The following MAST2 variants were observed in gnomAD, a reference collection of about 807,000 sequenced individuals.
MAST2 encodes microtubule-associated serine/threonine-protein kinase 2.
MAST2 carries 70 observed loss-of-function variants against 147.4 expected under a neutral mutation model. The ratio of observed to expected loss-of-function variants is 0.47; its 90% CI spans 0.39 to 0.58. MAST2 has a LOEUF of 0.58. Among genes scored for constraint, MAST2 ranks in the 20% least tolerant of loss-of-function variants. The pLI, the probability that MAST2 is intolerant of heterozygous loss-of-function variation, is 0.00. For missense variants in MAST2, 2,080 were observed against 2,302.3 expected, an observed-to-expected ratio of 0.90 and a Z score of 1.98; for synonymous variants, 869 against 896.8, an observed-to-expected ratio of 0.97 and a Z score of 0.55.
chr1:45,937,994 A>C (rs886739800), intron 4 of MAST2, among the ~76,000 whole-genome samples: 1 of 152,150 alleles, frequency 6.6e-6, no homozygotes, highest in African/African-American at 2.4e-5. Context: ...TCTAATTCCT[A>C]GCTCTAAGCA....
chr1:45,831,626 G>GT (rs2147829402), intron 3 of MAST2, among the ~76,000 whole-genome samples: 2 of 151,978 alleles, frequency 1.3e-5, no homozygotes, highest in East Asian at 3.8e-4. Flanking sequence ...TTCCATATTT[G>GT]TTTTTTCTGT....
At chr1:45,946,680 T>C (rs868750110) in intron 4 of MAST2, among the ~76,000 whole-genome samples, 2 of 152,352 alleles carry the variant, frequency 1.3e-5, no homozygotes, top group Middle Eastern at 3.4e-3. Flanking sequence ...CTATAAGATA[T>C]AGTGAAAGGA....
chr1:45,888,457 G>A lies in MAST2; in HGVS notation c.500+6062G>A, dbSNP rs957820545. On this transcript the variant is annotated intron_variant, in intron 4 of 28. Coordinates refer to ENST00000361297, the MANE Select transcript of MAST2 (RefSeq NM_015112.3). ...GGCTCACTGCAAGCTCCGCCTCCCG[G>A]GTTCACACCATTCTCCCACCTCAGC... Among the ~76,000 whole-genome samples the A allele has an allele frequency of 1.1e-4, 16 of 151,872 alleles. 1 individual carries two copies. Among genetic ancestry groups the A allele is most frequent in the Admixed American group, 4.6e-4 (7 of 15,238 alleles).
intron 4 of MAST2, among the ~76,000 whole-genome samples, chr1:45,915,936 G>A (rs1274028654): frequency 6.6e-6 from 1 of 152,112 alleles, no homozygotes; most frequent in Non-Finnish European, 1.5e-5. Flanking sequence ...TTCTTTGGAA[G>A]AGTGAAAATT....
At chr1:45,818,911 T>TA (rs2148675465) in intron 1 of MAST2, among the ~76,000 whole-genome samples, 1 of 152,302 alleles carries the variant, frequency 6.6e-6, no homozygotes, top group Admixed American at 6.5e-5. Context: ...CCAAAAAACA[T>TA]AAAAAATGAA....
At chr1:45,864,906 A>G (rs912576217) in intron 3 of MAST2, among the ~76,000 whole-genome samples, 2 of 152,254 alleles carry the variant, frequency 1.3e-5, no homozygotes, top group African/African-American at 4.8e-5. Context: ...AGATGTATCT[A>G]TACTTCTGTG....
chr1:45,998,148 T>C, intron 6 of MAST2, among the ~76,000 whole-genome samples: 1 of 152,214 alleles, frequency 6.6e-6, no homozygotes. Context: ...CCTACAGTGA[T>C]GAATGAGAAA....
At chr1:45,880,966 C>CA (rs10660375) in intron 3 of MAST2, among the ~76,000 whole-genome samples, 1,455 of 89,624 alleles carry the variant, frequency 0.016, 43 homozygotes, top group Middle Eastern at 0.052. Context: ...GACTCCATCT[C>CA]AAAAAAAAAA....
At chr1:45,953,332 C>G (rs1233373191) in intron 4 of MAST2, among the ~76,000 whole-genome samples, 2 of 152,122 alleles carry the variant, frequency 1.3e-5, no homozygotes, top group African/African-American at 4.8e-5. Flanking sequence ...ATGCCTGCTG[C>G]CCTTGCGGGG....
In MAST2 at chr1:46,031,309, C is replaced by T; in HGVS notation, c.2992+19C>T. On this transcript the variant is annotated intron_variant, in intron 23 of 28. Coordinates refer to ENST00000361297, the MANE Select transcript of MAST2 (RefSeq NM_015112.3). The surrounding 1 kb of genome is among the most constrained non-coding windows in gnomAD (Gnocchi z 4.1). ...AGTCCAGGTATGGCCCAGTGGGCGG[C>T]CAAACGACCTAAGCTGGAGGATACT... is the stretch of plus-strand genomic sequence containing the variant. 1 of 1,542,168 alleles carries T rather than the reference C, an allele frequency of 6.5e-7. No homozygotes were observed. Among genetic ancestry groups the T allele is most frequent in the Non-Finnish European group, 8.8e-7 (1 of 1,140,832 alleles).
intron 4 of MAST2, among the ~76,000 whole-genome samples, chr1:45,922,724 T>G (rs1450827378): frequency 6.6e-6 from 1 of 152,082 alleles, no homozygotes; most frequent in African/African-American, 2.4e-5. Flanking sequence ...CGGTGGTGGC[T>G]GCACCTGGGG....
At chr1:45,828,299 T>C (rs972354560) in intron 2 of MAST2, among the ~76,000 whole-genome samples, 2 of 152,212 alleles carry the variant, frequency 1.3e-5, no homozygotes, top group Non-Finnish European at 1.5e-5. Context: ...TTTTCATGAC[T>C]AAGATTTTAC....
chr1:45,808,795 A>G (rs755921201), intron 1 of MAST2, among the ~76,000 whole-genome samples: 2 of 151,840 alleles, frequency 1.3e-5, no homozygotes, highest in Admixed American at 6.6e-5. Context: ...TTAAATGTTC[A>G]TTTCATTTCT....
intron 2 of MAST2, among the ~76,000 whole-genome samples, chr1:45,826,016 G>C (rs1186031557): frequency 6.6e-6 from 1 of 152,030 alleles, no homozygotes; most frequent in African/African-American, 2.4e-5. Context: ...GGTGGAGGCT[G>C]AGTGAGCATC....
intron 4 of MAST2, among the ~76,000 whole-genome samples, chr1:45,939,781 C>T (rs1245785544): frequency 1.3e-5 from 2 of 151,786 alleles, no homozygotes. Context: ...ACCTCGTGAT[C>T]TGCCCACCTT....
intron 5 of MAST2, among the ~76,000 whole-genome samples, chr1:45,974,591 C>A (rs961826389): frequency 2.0e-5 from 3 of 151,932 alleles, no homozygotes; most frequent in African/African-American, 7.3e-5. Context: ...AGAGCAAGAC[C>A]CTGTCTCAAA....
intron 26 of MAST2, among the ~76,000 whole-genome samples, chr1:46,033,421 AGAGT>A (rs1356533272): frequency 6.6e-6 from 1 of 151,704 alleles, no homozygotes; most frequent in Non-Finnish European, 1.5e-5. Flanking sequence ...CCTGGGTGAC[AGAGT>A]GAGACTCTGT....
chr1:45,960,811 G>A (rs1340517565), intron 5 of MAST2, among the ~76,000 whole-genome samples: 1 of 152,222 alleles, frequency 6.6e-6, no homozygotes, highest in Non-Finnish European at 1.5e-5. Context: ...CATGGTCACT[G>A]TTGTCCTAAG....
At chr1:45,985,095 T>C (rs1300782220) in intron 5 of MAST2, among the ~76,000 whole-genome samples, 2 of 152,150 alleles carry the variant, frequency 1.3e-5, no homozygotes, top group Non-Finnish European at 2.9e-5. Flanking sequence ...TTCACTCTTG[T>C]TGCCCAGGCT....
Sources: gnomAD v4.1 joint callset for allele counts (sites outside exome capture counted in the v4.1 genomes callset) on GRCh38, gnomAD v4.1.1 for gene constraint, Gnocchi (gnomAD v3.1) non-coding constraint, MANE v1.5 for transcripts, NCBI Gene and HGNC (gene_info 2026-07-23, HGNC 2026-07-21) for gene names.